The following APBB2 variants were observed in gnomAD, a reference collection of about 807,000 sequenced individuals.
The protein encoded by APBB2 is amyloid beta precursor protein binding family B member 2, also known as Fe65-like 1.
A neutral mutation model predicts 82.5 loss-of-function variants in APBB2; 38 were observed. That is an observed-to-expected ratio of 0.46 (90% CI 0.36 to 0.60). APBB2 has a LOEUF of 0.60. Among genes scored for constraint, APBB2 ranks in the 20% least tolerant of loss-of-function variants. The pLI is 0.00. For synonymous variants in APBB2, 341 were observed against 368.2 expected, an observed-to-expected ratio of 0.93 and a Z score of 0.85; for missense variants, 772 against 972.3, an observed-to-expected ratio of 0.79 and a Z score of 2.74.
intron 10 of APBB2, among the ~76,000 whole-genome samples, chr4:40,895,697 C>T (rs1025647821): frequency 1.3e-5 from 2 of 152,186 alleles, no homozygotes; most frequent in Admixed American, 6.5e-5. Context: ...ACCTCTCTCC[C>T]ATGTCGGTTC....
intron 2 of APBB2, among the ~76,000 whole-genome samples, chr4:41,104,062 A>G (rs1391194207): frequency 1.3e-5 from 2 of 152,248 alleles, no homozygotes; most frequent in Non-Finnish European, 2.9e-5. Flanking sequence ...TATCTGAAAG[A>G]AATTTCATTC....
intron 10 of APBB2, among the ~76,000 whole-genome samples, chr4:40,921,671 G>GA (rs1332918645): frequency 1.3e-5 from 2 of 152,158 alleles, no homozygotes; most frequent in Non-Finnish European, 2.9e-5. Flanking sequence ...GTGAAGAGGA[G>GA]AAAAAAACTA....
intron 12 of APBB2, among the ~76,000 whole-genome samples, chr4:40,855,874 C>T (rs1035171520): frequency 7.2e-5 from 11 of 152,214 alleles, no homozygotes; most frequent in Non-Finnish European, 1.5e-4. Context: ...TTCACACTCC[C>T]TTTTACTTAT....
intron 10 of APBB2, among the ~76,000 whole-genome samples, chr4:40,910,360 C>G (rs2154362477): frequency 6.6e-6 from 1 of 152,210 alleles, no homozygotes; most frequent in South Asian, 2.1e-4. Context: ...ACCTCAGCCT[C>G]CCGAGTAGCT....
At chr4:41,160,140 T>C (rs1247561683) in intron 1 of APBB2, among the ~76,000 whole-genome samples, 1 of 152,020 alleles carries the variant, frequency 6.6e-6, no homozygotes, top group Non-Finnish European at 1.5e-5. Context: ...ACAACAGTAA[T>C]GCAGTGATCC....
chr4:41,025,393 T>C (rs759151238), intron 5 of APBB2, among the ~76,000 whole-genome samples: 15 of 152,086 alleles, frequency 9.9e-5, no homozygotes, highest in East Asian at 3.9e-4. Context: ...AGGGAACACT[T>C]ATATGCTGTC....
intron 12 of APBB2, among the ~76,000 whole-genome samples, chr4:40,885,090 C>T (rs757883307): frequency 6.6e-6 from 1 of 152,160 alleles, no homozygotes; most frequent in Non-Finnish European, 1.5e-5. Context: ...AACACTGAAC[C>T]TGAATAAGAG....
At chr4:41,177,695 A>C (rs1265031407) in intron 1 of APBB2, 1 of 152,218 alleles carries the variant, frequency 6.6e-6, no homozygotes, top group Non-Finnish European at 1.5e-5. Context: ...CCCTGTCTGT[A>C]AAATGAGGAC....
intron 2 of APBB2, among the ~76,000 whole-genome samples, chr4:41,133,916 A>C (rs922619953): frequency 2.0e-5 from 3 of 152,148 alleles, no homozygotes; most frequent in Non-Finnish European, 2.9e-5. Flanking sequence ...ATTCACAGCA[A>C]GTTCATGGAG....
rs185097388 is a variant in APBB2, at chr4:41,142,380, A to G, written c.-261+607T>C. ...ATTTATTTAAACACCTATGTTTTTC[A>G]GGACATTCTCTTCCCCTGTCGTATA... On this transcript the variant is annotated intron_variant, in intron 2 of 17. Coordinates refer to ENST00000508593, the MANE Select transcript of APBB2 (RefSeq NM_004307.2). Among the ~76,000 whole-genome samples, 4 of 151,122 alleles carry G rather than the reference A, an allele frequency of 2.6e-5. No individual in the cohort carries two copies. In the East Asian group the frequency reaches 7.8e-4, roughly 29 times the overall value.
At chr4:41,211,185 G>A (rs917635700) in intron 1 of APBB2, among the ~76,000 whole-genome samples, 7 of 151,986 alleles carry the variant, frequency 4.6e-5, no homozygotes, top group African/African-American at 1.5e-4. Context: ...AACCTGGGAG[G>A]TGGAGGTTAC....
At chr4:41,125,262 C>G (rs1249786999) in intron 2 of APBB2, among the ~76,000 whole-genome samples, 1 of 152,172 alleles carries the variant, frequency 6.6e-6, no homozygotes, top group African/African-American at 2.4e-5. Flanking sequence ...TCTTACATAA[C>G]AGCAATATGT....
intron 10 of APBB2, among the ~76,000 whole-genome samples, chr4:40,927,281 G>A (rs6820722): frequency 2.0e-5 from 3 of 151,992 alleles, no homozygotes; most frequent in Non-Finnish European, 2.9e-5. Flanking sequence ...TGAAAATGAC[G>A]TGTTATACAC....
At chr4:40,978,618 C>T (rs1797744306) in intron 6 of APBB2, among the ~76,000 whole-genome samples, 1 of 152,122 alleles carries the variant, frequency 6.6e-6, no homozygotes, top group Non-Finnish European at 1.5e-5. Flanking sequence ...GTCAATCCAA[C>T]CGTCAATCAC....
intron 6 of APBB2, among the ~76,000 whole-genome samples, chr4:40,951,683 G>A (rs769622860): frequency 3.3e-5 from 5 of 152,226 alleles, no homozygotes; most frequent in African/African-American, 9.6e-5. Flanking sequence ...TCACTGGGTA[G>A]TGTATAAAAC....
In APBB2 at chr4:40,816,024, G is replaced by A. The variant is rs1745504784; in HGVS notation, c.*68C>T. 5.2e-6 allele frequency: 8 copies of A among 1,550,760 alleles called. No homozygotes were observed. The highest frequency in any genetic ancestry group is 3.6e-5 in the Admixed American group (2 of 55,900). On this transcript the variant is annotated 3_prime_UTR_variant, in exon 18 of 18. Transcript: ENST00000508593. ...GCAACTGGATGGAAGGTCGGATGGC[G>A]GAGTTCATTTTCTTTAGTGTAGCTA... is the stretch of plus-strand genomic sequence containing the variant.
At chr4:40,993,032 A>T (rs759995401) in intron 6 of APBB2, among the ~76,000 whole-genome samples, 2 of 152,208 alleles carry the variant, frequency 1.3e-5, no homozygotes, top group African/African-American at 2.4e-5. Flanking sequence ...CCATACCAGA[A>T]TATTTATAAA....
chr4:41,038,946 G>C (rs57898176), intron 4 of APBB2, among the ~76,000 whole-genome samples: 9,479 of 151,382 alleles, frequency 0.063, 984 homozygotes, highest in African/African-American at 0.22. Context: ...ACTGAAAGAG[G>C]TATGTGTTGT....
chr4:41,015,785 T>C (rs1809743575), intron 5 of APBB2, among the ~76,000 whole-genome samples: 1 of 152,198 alleles, frequency 6.6e-6, no homozygotes, highest in African/African-American at 2.4e-5. Flanking sequence ...CCTTCTCACC[T>C]AGCACCTCAC....
Sources: allele counts gnomAD v4.1 joint callset (sites outside exome capture counted in the v4.1 genomes callset), GRCh38; gene constraint gnomAD v4.1.1; transcripts MANE v1.5; gene names NCBI Gene and HGNC (gene_info 2026-07-23, HGNC 2026-07-21).